The following SLC2A5 variants were observed in gnomAD, a reference collection of about 807,000 sequenced individuals.
SLC2A5 encodes the protein solute carrier family 2, facilitated glucose transporter member 5.
In SLC2A5, 56 loss-of-function variants were observed where a neutral mutation model predicts 50.3. The ratio of observed to expected loss-of-function variants is 1.11; its 90% CI spans 0.90 to 1.39. SLC2A5 has a LOEUF of 1.39. Among genes scored for constraint, SLC2A5 ranks in the 40% most tolerant of loss-of-function variants. The pLI, the probability that SLC2A5 is intolerant of heterozygous loss-of-function variation, is 0.00. For synonymous variants in SLC2A5, 269 were observed against 281.9 expected, an observed-to-expected ratio of 0.95 and a Z score of 0.46; for missense variants, 566 against 650.1, an observed-to-expected ratio of 0.87 and a Z score of 1.41.
chr1:9,039,932 C>T lies in SLC2A5; in HGVS notation c.753G>A (p.Arg251=). ...CGGCCTTCTCTGCCTCATCCTCCTG[C>T]CGGATCTCGGCCACCTCCCTGTCCA... ...DSVDREVAEI[R]QEDEAEKAAG... is the part of the protein sequence containing the mutation. Residue 251 remains arginine, a synonymous_variant, in exon 7 of 12, where the codon CGG becomes CGA. Coordinates refer to ENST00000377424, the MANE Select transcript of SLC2A5 (RefSeq NM_003039.3). 6.2e-7 allele frequency: 1 copy of T among 1,613,046 alleles called. No homozygotes were observed. The highest frequency in any genetic ancestry group is 8.5e-7 in the Non-Finnish European group (1 of 1,179,856).
upstream of SLC2A5, among the ~76,000 whole-genome samples, chr1:9,070,704 G>A (rs1383957606): frequency 6.6e-6 from 1 of 152,116 alleles, no homozygotes; most frequent in African/African-American, 2.4e-5. Flanking sequence ...TTTAGTGATT[G>A]ATTCTGAATC....
chr1:9,065,329 T>C (rs1448187084), intron 1 of SLC2A5, among the ~76,000 whole-genome samples: 1 of 152,160 alleles, frequency 6.6e-6, no homozygotes, highest in African/African-American at 2.4e-5. Context: ...TCTGACAGGG[T>C]ACGATTCAAG....
chr1:9,038,090 G>C, intron 10 of SLC2A5, 66 bp from the exon 11 acceptor site: 1 of 1,574,412 alleles, frequency 6.4e-7, no homozygotes, highest in Non-Finnish European at 8.6e-7. Flanking sequence ...GCCTGGCCAT[G>C]CAGACCCACC....
rs529925110 is a variant in SLC2A5 at position 9,038,629 on chromosome 1, C to T, written c.1099-123G>A. 193 of 1,239,362 alleles carry T rather than the reference C, an allele frequency of 1.6e-4. No individual in the cohort carries two copies. In the African/African-American group the frequency reaches 1.9e-3, roughly 12 times the overall value. The allele number at this position is 1,239,362 out of a possible 1,614,324, so 76.8% of individuals were successfully genotyped here. On this transcript the variant is annotated intron_variant, in intron 9 of 11. Coordinates refer to ENST00000377424, the MANE Select transcript of SLC2A5 (RefSeq NM_003039.3). ...GGCTCCTCCCCCAGCAGTGCCACCTCGATGAGCCACTGGGAAATCAGCTGA... is the reference window on the plus strand; with the variant it reads ...GGCTCCTCCCCCAGCAGTGCCACCTTGATGAGCCACTGGGAAATCAGCTGA...
chr1:9,069,645 C>G, upstream of SLC2A5: 4 of 1,145,002 alleles, frequency 3.5e-6, no homozygotes, highest in Non-Finnish European at 5.2e-6. Flanking sequence ...TGCCAAATAA[C>G]AGCCAATAGC....
intron 3 of SLC2A5, among the ~76,000 whole-genome samples, chr1:9,049,794 T>G (rs1459340931): frequency 6.6e-6 from 1 of 151,774 alleles, no homozygotes; most frequent in Non-Finnish European, 1.5e-5. Context: ...CAACTGATCC[T>G]TGACAAAGGA....
chr1:9,069,245 C>A (rs1283147938), intron 1 of SLC2A5, among the ~76,000 whole-genome samples: 2 of 152,204 alleles, frequency 1.3e-5, no homozygotes, highest in South Asian at 2.1e-4. Flanking sequence ...CTTTGGGTCT[C>A]TTCCATTCAG....
At chr1:9,093,343 C>T (rs1642480673), upstream of SLC2A5, among the ~76,000 whole-genome samples, 1 of 152,198 alleles carries the variant, frequency 6.6e-6, no homozygotes, top group Non-Finnish European at 1.5e-5. Flanking sequence ...ACCACATACC[C>T]AAACAACCAA....
At chr1:9,085,697 A>G (rs904028198) in intron 1 of SLC2A5, among the ~76,000 whole-genome samples, 3 of 152,110 alleles carry the variant, frequency 2.0e-5, no homozygotes, top group Non-Finnish European at 4.4e-5. Flanking sequence ...GTTCATTCAG[A>G]TGGTTGTGTC....
chr1:9,077,171 A>T (rs1642293054), intron 2 of SLC2A5, among the ~76,000 whole-genome samples: 1 of 150,934 alleles, frequency 6.6e-6, no homozygotes, highest in Non-Finnish European at 1.5e-5. Flanking sequence ...AGGCTGAGGC[A>T]GGCAGATCGC....
chr1:9,054,761 C>G (rs1477728180), intron 3 of SLC2A5, among the ~76,000 whole-genome samples: 1 of 151,892 alleles, frequency 6.6e-6, no homozygotes, highest in Non-Finnish European at 1.5e-5. Flanking sequence ...CCTGTCTCTA[C>G]AAAAACTAAA....
chr1:9,087,054 A>G (rs1642408001), intron 1 of SLC2A5, among the ~76,000 whole-genome samples: 1 of 152,206 alleles, frequency 6.6e-6, no homozygotes, highest in African/African-American at 2.4e-5. Context: ...AATCTATGAT[A>G]AGTCCCCTCT....
At chr1:9,074,503 T>C (rs1014830170), upstream of SLC2A5, among the ~76,000 whole-genome samples, 1 of 152,188 alleles carries the variant, frequency 6.6e-6, no homozygotes, top group African/African-American at 2.4e-5. Flanking sequence ...GCACTTTACA[T>C]AAAGTGAGGT....
upstream of SLC2A5, among the ~76,000 whole-genome samples, chr1:9,073,821 C>T (rs1642251895): frequency 6.6e-6 from 1 of 152,172 alleles, no homozygotes; most frequent in Non-Finnish European, 1.5e-5. Context: ...GGCGCGGTGG[C>T]TCACGCCTGT....
At chr1:9,064,419 G>T (rs765126004) in intron 1 of SLC2A5, among the ~76,000 whole-genome samples, 1 of 152,078 alleles carries the variant, frequency 6.6e-6, no homozygotes, top group Non-Finnish European at 1.5e-5. Context: ...AGAGGCTAAG[G>T]AGGTTGCCAA....
chr1:9,093,134 T>C (rs1343172686), upstream of SLC2A5, among the ~76,000 whole-genome samples: 1 of 152,028 alleles, frequency 6.6e-6, no homozygotes, highest in Non-Finnish European at 1.5e-5. Flanking sequence ...CCACAACCCA[T>C]CGCCAACTCC....
intron 1 of SLC2A5, among the ~76,000 whole-genome samples, chr1:9,059,136 C>CTTTTTTTTT (rs869052429): frequency 4.1e-4 from 22 of 53,910 alleles, no homozygotes; most frequent in African/African-American, 4.6e-4. Flanking sequence ...GCCTTTCTTT[C>CTTTTTTTTT]TTTTTTTTTT....
chr1:9,058,070 C>T, intron 2 of SLC2A5, 82 bp downstream of exon 2: 2 of 991,320 alleles, frequency 2.0e-6, no homozygotes, highest in Non-Finnish European at 3.2e-6. Context: ...ACTGCGTGAA[C>T]AGCCCCACGC....
rs912947478 is a variant in SLC2A5 at position 9,059,229 on chromosome 1, G to A, written c.34-979C>T. On this transcript the variant is annotated intron_variant, in intron 1 of 11. Transcript: ENST00000377424. ...GCAATCTCGGCTCACTGCAAGCTCCGCCTCCTGGGTTCACGCCATTCTCCT... is the reference window on the plus strand; with the variant it reads ...GCAATCTCGGCTCACTGCAAGCTCCACCTCCTGGGTTCACGCCATTCTCCT... Among the ~76,000 whole-genome samples the A allele has an allele frequency of 8.1e-4, 106 of 131,514 alleles. No individual in the cohort carries two copies. The Middle Eastern group carries it at 0.027, about 34-fold the overall frequency. 86.3% of individuals were successfully genotyped at this position (131,514 alleles called of 152,430 possible).
Sources: allele counts gnomAD v4.1 joint callset (sites outside exome capture counted in the v4.1 genomes callset), GRCh38; gene constraint gnomAD v4.1.1; transcripts MANE v1.5; gene names NCBI Gene and HGNC (gene_info 2026-07-23, HGNC 2026-07-21).